Variants in FLRT1 observed in about 807,000 individuals in gnomAD.
FLRT1 encodes leucine-rich repeat transmembrane protein FLRT1.
FLRT1 carries 14 observed loss-of-function variants against 30.9 expected under a neutral mutation model. That is an observed-to-expected ratio of 0.45 (90% confidence interval 0.30 to 0.71). The LOEUF (loss-of-function observed/expected upper bound fraction) is 0.71. FLRT1 is among the 30% of genes least tolerant of loss of function. The pLI, the probability that FLRT1 is intolerant of heterozygous loss-of-function variation, is 0.08. For missense variants in FLRT1, 737 were observed against 949.2 expected (o/e 0.78, Z 2.94); for synonymous variants, 368 against 430.4 (o/e 0.85, Z 1.80).
rs191015810 is a variant in FLRT1, at chr11:64,103,902, T to A, written c.-329T>A. ...CAGCCTAGGGTGCCAAGGAGGCTGC[T>A]GATTGTGGCCCACAGCCTCATCTGA... On this transcript the variant is annotated 5_prime_UTR_variant, in exon 2 of 3. Coordinates refer to ENST00000682287, the MANE Select transcript of FLRT1 (RefSeq NM_013280.5). The A allele has an allele frequency of 1.3e-5, 2 of 152,484 alleles. No individual in the cohort carries two copies. The highest frequency in any genetic ancestry group is 2.9e-5 in the Non-Finnish European group (2 of 68,078). 9.4% of individuals were successfully genotyped at this position (152,484 alleles called of 1,614,324 possible). A position where few individuals can be genotyped will look rare whatever the true frequency, so the allele number is the denominator to read the frequency against.
At chr11:64,110,365 C>A (rs372553599) in intron 2 of FLRT1, among the ~76,000 whole-genome samples, 1 of 151,826 alleles carries the variant, frequency 6.6e-6, no homozygotes, top group East Asian at 1.9e-4. Context: ...GGGAGGATCA[C>A]CTGAGCATGG....
intron 1 of FLRT1, among the ~76,000 whole-genome samples, chr11:64,040,025 CTCAT>C (rs992718465): frequency 2.6e-5 from 4 of 152,342 alleles, no homozygotes; most frequent in East Asian, 1.9e-4. Flanking sequence ...TCCTTTCCTG[CTCAT>C]TCATTCATTC....
At chr11:64,114,254 A>G (rs1477017088) in intron 2 of FLRT1, among the ~76,000 whole-genome samples, 11 of 61,116 alleles carry the variant, frequency 1.8e-4, no homozygotes, top group East Asian at 4.3e-4. Flanking sequence ...ATGGATGGTT[A>G]GGTGGATGGA....
chr11:64,061,947 C>T (rs1204335916), intron 1 of FLRT1, among the ~76,000 whole-genome samples: 1 of 148,058 alleles, frequency 6.8e-6, no homozygotes, highest in Non-Finnish European at 1.5e-5. Flanking sequence ...ATTCCTGGGC[C>T]TCTGCCACCA....
At chr11:64,040,756 G>A (rs1007483899) in intron 1 of FLRT1, among the ~76,000 whole-genome samples, 6 of 152,188 alleles carry the variant, frequency 3.9e-5, no homozygotes, top group African/African-American at 1.4e-4. Context: ...AATGTTCCCG[G>A]TGCAGGGAAG....
chr11:64,065,604 AC>A (rs1185321173), intron 1 of FLRT1, among the ~76,000 whole-genome samples: 1 of 144,646 alleles, frequency 6.9e-6, no homozygotes, highest in South Asian at 2.3e-4. Context: ...CCTGGCTAAC[AC>A]GGTGAAACCC....
At chr11:64,110,190 G>A (rs1458649343) in intron 2 of FLRT1, among the ~76,000 whole-genome samples, 1 of 152,114 alleles carries the variant, frequency 6.6e-6, no homozygotes, top group East Asian at 1.9e-4. Flanking sequence ...TGGCTCACGC[G>A]TATAATCTCA....
chr11:64,074,497 C>T (rs1448929912), intron 1 of FLRT1, among the ~76,000 whole-genome samples: 1 of 152,196 alleles, frequency 6.6e-6, no homozygotes, highest in African/African-American at 2.4e-5. Flanking sequence ...AGGAACAGAG[C>T]TCAGAGAGGT....
rs1259292313 is a variant in FLRT1, at chr11:64,036,886, A to G, written c.-1038+727A>G. On this transcript the variant is annotated intron_variant, in intron 1 of 2. Coordinates refer to ENST00000682287, the MANE Select transcript of FLRT1 (RefSeq NM_013280.5). This position sits in a 1 kb window ranked among gnomAD's most constrained non-coding sequence, Gnocchi z 5.6. ...GCACGCCCCTCCTCGCGGGCACTGG[A>G]GACCCCGGGGAGGAAGGCTGGGGAG... Among the ~76,000 whole-genome samples the G allele has an allele frequency of 6.6e-6, 1 of 152,128 alleles. No homozygotes were observed. Among genetic ancestry groups the G allele is most frequent in the African/African-American group, 2.4e-5 (1 of 41,432 alleles).
intron 1 of FLRT1, among the ~76,000 whole-genome samples, chr11:64,049,029 G>T (rs1943640463): frequency 6.6e-6 from 1 of 152,172 alleles, no homozygotes; most frequent in African/African-American, 2.4e-5. Flanking sequence ...CCTGCCCTGA[G>T]TGTGGGTGAT....
chr11:64,089,658 G>A (rs1944456018), intron 1 of FLRT1, among the ~76,000 whole-genome samples: 1 of 152,244 alleles, frequency 6.6e-6, no homozygotes, highest in East Asian at 1.9e-4. Flanking sequence ...TCCTGGGGTG[G>A]AGGTGATGCC....
chr11:64,117,148 G>A lies in FLRT1; in HGVS notation c.881G>A (p.Arg294His), dbSNP rs770098892. The A allele has an allele frequency of 1.4e-5, 23 of 1,613,810 alleles. No individual in the cohort carries two copies. The highest frequency in any genetic ancestry group is 8.9e-5 in the East Asian group (4 of 44,860). Residue 294 changes from arginine (R) to histidine (H), a missense_variant, in exon 3 of 3, where the codon CGT becomes CAT. Arg to His is a conservative substitution (Grantham distance 29). Transcript: ENST00000682287. ...HIPYNTLAKM[R>H]ELERLDLSNN... ...CCCTACAACACGCTGGCCAAGATGC[G>A]TGAGCTGGAGCGGCTGGACCTGTCC...
chr11:64,073,713 C>T (rs1944150237), intron 1 of FLRT1, among the ~76,000 whole-genome samples: 1 of 152,294 alleles, frequency 6.6e-6, no homozygotes, highest in East Asian at 1.9e-4. Flanking sequence ...CGTGGGTTCT[C>T]GCCTCCCAAA....
At chr11:64,109,927 C>T (rs1392931560) in intron 2 of FLRT1, among the ~76,000 whole-genome samples, 5 of 152,160 alleles carry the variant, frequency 3.3e-5, no homozygotes, top group East Asian at 1.9e-4. Flanking sequence ...AGGACAGAGA[C>T]GGGCAGCTAC....
At chr11:64,070,549 G>A (rs949456909) in intron 1 of FLRT1, among the ~76,000 whole-genome samples, 4 of 152,194 alleles carry the variant, frequency 2.6e-5, no homozygotes, top group Non-Finnish European at 4.4e-5. Context: ...TCGAGAACTC[G>A]AAGCAAGTCA....
At chr11:64,114,639 A>ATGGATGGATGGATGAATGGACAGG (rs1944941711) in intron 2 of FLRT1, among the ~76,000 whole-genome samples, 1 of 151,466 alleles carries the variant, frequency 6.6e-6, no homozygotes, top group African/African-American at 2.4e-5. Context: ...GCATGCATGA[A>ATGGATGGATGGATGAATGGACAGG]TGGATGGATG....
intron 1 of FLRT1, among the ~76,000 whole-genome samples, chr11:64,080,886 G>A (rs1944290762): frequency 6.6e-6 from 1 of 152,186 alleles, no homozygotes; most frequent in African/African-American, 2.4e-5. Context: ...TTCTGGCACT[G>A]AGGACTCGGG....
At chr11:64,051,378 C>G (rs982390674) in intron 1 of FLRT1, among the ~76,000 whole-genome samples, 28 of 152,184 alleles carry the variant, frequency 1.8e-4, no homozygotes, top group Admixed American at 6.5e-5. Flanking sequence ...GCTAGAGAGG[C>G]AGCAGGGACT....
At chr11:64,066,033 C>T (rs1590861202) in intron 1 of FLRT1, among the ~76,000 whole-genome samples, 2 of 152,046 alleles carry the variant, frequency 1.3e-5, no homozygotes, top group South Asian at 2.1e-4. Context: ...TGGTGGCTCA[C>T]GCCTGTAATC....
Sources: allele counts gnomAD v4.1 joint callset (sites outside exome capture counted in the v4.1 genomes callset), GRCh38; gene constraint gnomAD v4.1.1; non-coding constraint Gnocchi (gnomAD v3.1); transcripts MANE v1.5; gene names NCBI Gene and HGNC (gene_info 2026-07-23, HGNC 2026-07-21).